Variants in ESR1 observed in about 807,000 individuals in gnomAD.
ESR1 encodes estrogen receptor 1.
In ESR1, 12 loss-of-function variants were observed where a neutral mutation model predicts 52.7. The ratio of observed to expected loss-of-function variants is 0.23; its 90% CI spans 0.15 to 0.37. The LOEUF is 0.37. Among genes scored for constraint, ESR1 ranks in the 10% least tolerant of loss-of-function variants. The pLI is 1.00. For synonymous variants in ESR1, 305 were observed against 316.8 expected, an observed-to-expected ratio of 0.96 and a Z score of 0.39; for missense variants, 584 against 779.7, an observed-to-expected ratio of 0.75 and a Z score of 2.99.
chr6:152,089,085 A>G (rs1023490924), intron 6 of ESR1, among the ~76,000 whole-genome samples: 5 of 152,238 alleles, frequency 3.3e-5, no homozygotes, highest in African/African-American at 1.2e-4. Context: ...AATGGAGAAG[A>G]CAAGATGGAT....
In ESR1 at chr6:151,740,512, T is replaced by A. The variant is rs958285668; in HGVS notation, c.-71+38507T>A. Among the ~76,000 whole-genome samples, 7 of 151,976 alleles carry A rather than the reference T, an allele frequency of 4.6e-5. No homozygotes were observed. In the South Asian group the frequency reaches 1.5e-3, roughly 32 times the overall value. ...CTGTGCCATCCCACAGCTGACAAAA[T>A]GGCTCTCACCTCCAGGAAACTCTTA... On this transcript the variant is annotated intron_variant, in intron 2 of 2. Transcript: ENST00000404742.
At chr6:151,928,607 A>T (rs1489456469) in intron 3 of ESR1, among the ~76,000 whole-genome samples, 2 of 151,810 alleles carry the variant, frequency 1.3e-5, no homozygotes, top group African/African-American at 4.8e-5. Flanking sequence ...CTTTAAGCTT[A>T]TCTAGTTTTT....
At chr6:151,844,104 A>G (rs1179167855) in intron 2 of ESR1, among the ~76,000 whole-genome samples, 1 of 151,424 alleles carries the variant, frequency 6.6e-6, no homozygotes, top group African/African-American at 2.4e-5. Flanking sequence ...TTGTGTGTGT[A>G]TATATATAGA....
At chr6:151,845,440 A>G (rs541178212) in intron 2 of ESR1, among the ~76,000 whole-genome samples, 2 of 152,234 alleles carry the variant, frequency 1.3e-5, no homozygotes, top group East Asian at 3.9e-4. Flanking sequence ...GTGGTGGTGC[A>G]CACCTGTAGT....
intron 2 of ESR1, among the ~76,000 whole-genome samples, chr6:151,735,417 T>A (rs1311193134): frequency 6.6e-6 from 1 of 152,236 alleles, no homozygotes; most frequent in Non-Finnish European, 1.5e-5. Context: ...ACATTTTTTG[T>A]TGTGCTTGCT....
chr6:151,917,870 ATGAT>A (rs2030657686), intron 3 of ESR1, among the ~76,000 whole-genome samples: 1 of 152,248 alleles, frequency 6.6e-6, no homozygotes, highest in Admixed American at 6.5e-5. Context: ...ATTTGCCAAT[ATGAT>A]TGAGCAAAAA....
chr6:151,902,595 CATT>C (rs1471979393), intron 3 of ESR1, among the ~76,000 whole-genome samples: 1 of 152,188 alleles, frequency 6.6e-6, no homozygotes, highest in African/African-American at 2.4e-5. Flanking sequence ...AGACTACTTG[CATT>C]CAAATTTTAG....
intron 5 of ESR1, among the ~76,000 whole-genome samples, chr6:152,043,030 G>A (rs183981714): frequency 6.6e-6 from 1 of 152,154 alleles, no homozygotes; most frequent in Non-Finnish European, 1.5e-5. Flanking sequence ...GGATGCAGGT[G>A]CTGCCCTCAC....
chr6:151,953,638 T>A (rs1273029651), intron 4 of ESR1, among the ~76,000 whole-genome samples: 1 of 151,896 alleles, frequency 6.6e-6, no homozygotes, highest in Non-Finnish European at 1.5e-5. Flanking sequence ...GGAGAATCGC[T>A]TGAACCCGGG....
chr6:151,706,441 G>C (rs940864155), intron 2 of ESR1, among the ~76,000 whole-genome samples: 1 of 152,158 alleles, frequency 6.6e-6, no homozygotes, highest in Non-Finnish European at 1.5e-5. Flanking sequence ...GAGGTAGCGG[G>C]CATCCTTGTT....
chr6:152,097,855 G>T (rs909017189), intron 7 of ESR1, among the ~76,000 whole-genome samples: 40 of 152,188 alleles, frequency 2.6e-4, no homozygotes, highest in African/African-American at 9.7e-4. Context: ...GGGTGTGAGT[G>T]TGTGCACGTG....
Position 151,940,326 on chromosome 6 carries a change from TG to T in ESR1, c.761-3843del, listed in dbSNP as rs371840069. ...ACTACAATTCAAGATGAGATTTGGA[TG>T]GGGACACAGCCAAACCATATCAGTA... On this transcript the variant is annotated intron_variant, in intron 3 of 7. Coordinates refer to ENST00000206249, the MANE Select transcript of ESR1 (RefSeq NM_000125.4). Among the ~76,000 whole-genome samples the T allele has an allele frequency of 2.3e-4, 35 of 152,352 alleles. No individual in the cohort carries two copies. The South Asian group carries it at 6.8e-3, about 30-fold the overall frequency.
intron 1 of ESR1, among the ~76,000 whole-genome samples, chr6:151,823,991 A>G (rs1781039461): frequency 6.6e-6 from 1 of 152,160 alleles, no homozygotes; most frequent in Admixed American, 6.5e-5. Context: ...ATACCCAGTA[A>G]TGGGATGGCT....
upstream of ESR1, among the ~76,000 whole-genome samples, chr6:151,690,209 A>T (rs181204006): frequency 6.6e-6 from 1 of 152,230 alleles, no homozygotes; most frequent in Admixed American, 6.5e-5. Context: ...GTGCTGAATG[A>T]TGTTTTATTT....
chr6:151,754,514 G>C (rs1784137207), intron 2 of ESR1, among the ~76,000 whole-genome samples: 1 of 152,146 alleles, frequency 6.6e-6, no homozygotes, highest in Non-Finnish European at 1.5e-5. Flanking sequence ...GCAGCAGTCA[G>C]CCTTCATTTA....
intron 2 of ESR1, among the ~76,000 whole-genome samples, chr6:151,770,783 A>G (rs964919728): frequency 6.6e-6 from 1 of 152,132 alleles, no homozygotes. Context: ...TGGGAGGCAC[A>G]AGGAGTTTAG....
chr6:151,919,165 A>G (rs1209089306), intron 3 of ESR1, among the ~76,000 whole-genome samples: 2 of 152,330 alleles, frequency 1.3e-5, no homozygotes, highest in South Asian at 2.1e-4. Context: ...GACACAAGCA[A>G]TGGTAAACAA....
chr6:152,060,618 CCA>C (rs2047471485), intron 5 of ESR1, among the ~76,000 whole-genome samples: 1 of 152,150 alleles, frequency 6.6e-6, no homozygotes, highest in African/African-American at 2.4e-5. Flanking sequence ...CCCAGAACTA[CCA>C]CATTGTTTAG....
chr6:151,870,858 C>CT (rs1554273532), intron 2 of ESR1, among the ~76,000 whole-genome samples: 40 of 146,062 alleles, frequency 2.7e-4, no homozygotes, highest in Non-Finnish European at 3.0e-4. Context: ...TCTTCTTCTT[C>CT]TTTTTTTTTT....
Sources: allele counts gnomAD v4.1 joint callset (sites outside exome capture counted in the v4.1 genomes callset), GRCh38; gene constraint gnomAD v4.1.1; transcripts MANE v1.5; gene names NCBI Gene and HGNC (gene_info 2026-07-23, HGNC 2026-07-21).